Variants in ALG9 observed in about 807,000 individuals in gnomAD.
The protein encoded by ALG9 is alpha-1,2-mannosyltransferase ALG9.
A neutral mutation model predicts 81.8 loss-of-function variants in ALG9; 55 were observed. The observed-to-expected ratio is 0.67, with a 90% confidence interval of 0.54 to 0.84. The LOEUF (loss-of-function observed/expected upper bound fraction) is 0.84, where lower values mean the gene tolerates loss of function less well. Among genes scored for constraint, ALG9 ranks in the 40% least tolerant of loss-of-function variants. The pLI is 0.00. For missense variants in ALG9, 629 were observed against 745.0 expected (o/e 0.84, Z 1.81); for synonymous variants, 278 against 274.3 (o/e 1.01, Z -0.13).
intron 14 of ALG9, among the ~76,000 whole-genome samples, chr11:111,796,726 T>C (rs1219013459): frequency 6.6e-6 from 1 of 152,088 alleles, no homozygotes; most frequent in Non-Finnish European, 1.5e-5. Flanking sequence ...AGAATAAAAG[T>C]TGATAAATAC....
At chr11:111,791,057 T>C (rs1947328371) in intron 14 of ALG9, among the ~76,000 whole-genome samples, 1 of 152,248 alleles carries the variant, frequency 6.6e-6, no homozygotes, top group Non-Finnish European at 1.5e-5. Context: ...TATGAGTAGA[T>C]AAATTTATTA....
chr11:111,848,449 G>T (rs1279881899), intron 8 of ALG9, among the ~76,000 whole-genome samples: 1 of 152,002 alleles, frequency 6.6e-6, no homozygotes, highest in Non-Finnish European at 1.5e-5. Context: ...AATTAGCTGG[G>T]TGTGGTGGTG....
At chr11:111,832,035 A>G (rs181346911) in intron 13 of ALG9, among the ~76,000 whole-genome samples, 3 of 152,216 alleles carry the variant, frequency 2.0e-5, no homozygotes, top group African/African-American at 4.8e-5. Flanking sequence ...ATACACAAAT[A>G]TATCTACTGG....
At position 111,870,382 on chromosome 11, in the gene ALG9, C is replaced by CAAAAAAAAAAAAAAAAAAAAA. The variant is rs60312459; in HGVS notation, c.132-33_132-13dup. ...TGTTCCCAGATAACCTGTTCAAAAG[C>CAAAAAAAAAAAAAAAAAAAAA]AAAAAAAAAAAAAAAAAAAAAAGCA... is the stretch of plus-strand genomic sequence containing the variant. On this transcript the variant is annotated splice_polypyrimidine_tract_variant and intron_variant, in intron 1 of 14. Coordinates refer to ENST00000616540, the MANE Select transcript of ALG9 (RefSeq NM_024740.2). 2.1e-6 allele frequency: 2 copies of CAAAAAAAAAAAAAAAAAAAAA among 973,956 alleles called. No individual in the cohort carries two copies. Among genetic ancestry groups the CAAAAAAAAAAAAAAAAAAAAA allele is most frequent in the Non-Finnish European group, 2.5e-6 (2 of 803,388 alleles). The allele number at this position is 973,956 out of a possible 1,614,324, so 60.3% of individuals were successfully genotyped here.
At chr11:111,844,772 C>G in intron 8 of ALG9, 49 bp from the exon 9 acceptor site, 1 of 1,593,644 alleles carries the variant, frequency 6.3e-7, no homozygotes, top group Non-Finnish European at 8.6e-7. Flanking sequence ...CCTTTAACAC[C>G]TATTACGGTG....
chr11:111,780,394 G>GTTTTTTT (rs149395873), downstream of ALG9, among the ~76,000 whole-genome samples: 358 of 143,674 alleles, frequency 2.5e-3, 7 homozygotes, highest in Non-Finnish European at 1.4e-3. Flanking sequence ...TTTTTTTTTT[G>GTTTTTTT]TTTTGTTTTT....
At chr11:111,820,290 G>A (rs1380838753) in intron 13 of ALG9, among the ~76,000 whole-genome samples, 1 of 151,944 alleles carries the variant, frequency 6.6e-6, no homozygotes, top group African/African-American at 2.4e-5. Context: ...ATAAAGAAAA[G>A]AAATTTACTT....
At chr11:111,841,021 TAAC>T (rs1310627665) in intron 9 of ALG9, among the ~76,000 whole-genome samples, 1 of 152,114 alleles carries the variant, frequency 6.6e-6, no homozygotes, top group Non-Finnish European at 1.5e-5. Context: ...ATCTAAACTC[TAAC>T]AACAAGCACA....
intron 13 of ALG9, among the ~76,000 whole-genome samples, chr11:111,829,982 T>C (rs938019940): frequency 2.0e-5 from 3 of 152,226 alleles, no homozygotes; most frequent in South Asian, 2.1e-4. Flanking sequence ...GGTAATGGGA[T>C]AAGCTAAAAT....
intron 13 of ALG9, among the ~76,000 whole-genome samples, chr11:111,812,592 G>A (rs560321808): frequency 2.6e-5 from 4 of 151,890 alleles, no homozygotes; most frequent in Non-Finnish European, 4.4e-5. Flanking sequence ...CAACAACAAG[G>A]TGGGGGCTTA....
intron 2 of ALG9, among the ~76,000 whole-genome samples, chr11:111,869,593 A>T (rs1448606134): frequency 2.1e-5 from 3 of 144,800 alleles, no homozygotes; most frequent in Non-Finnish European, 3.1e-5. Flanking sequence ...ATTTTCATTT[A>T]AAAAAAAAAA....
At chr11:111,803,781 A>T (rs2136344357) in intron 14 of ALG9, among the ~76,000 whole-genome samples, 1 of 152,304 alleles carries the variant, frequency 6.6e-6, no homozygotes, top group South Asian at 2.1e-4. Context: ...ATTTAGACAC[A>T]GATCTTACAC....
intron 6 of ALG9, among the ~76,000 whole-genome samples, chr11:111,854,131 T>C (rs1958283203): frequency 7.0e-6 from 1 of 142,108 alleles, no homozygotes. Context: ...AGGGTCTCAC[T>C]CTATTGCCCA....
At chr11:111,812,810 A>G (rs1006616016) in intron 13 of ALG9, among the ~76,000 whole-genome samples, 6 of 150,190 alleles carry the variant, frequency 4.0e-5, no homozygotes, top group Non-Finnish European at 7.4e-5. Flanking sequence ...CCAGCTACTC[A>G]GGAGGCTGAG....
chr11:111,855,367 C>T (rs1001121812), intron 6 of ALG9, among the ~76,000 whole-genome samples: 2 of 152,198 alleles, frequency 1.3e-5, no homozygotes, highest in Admixed American at 1.3e-4. Context: ...GATACAACCA[C>T]ATCTGCATTT....
chr11:111,777,234 C>T (rs970691643), downstream of ALG9, among the ~76,000 whole-genome samples: 4 of 152,198 alleles, frequency 2.6e-5, no homozygotes, highest in South Asian at 2.1e-4. Context: ...TAAGAATCCT[C>T]GACCAGTAGG....
chr11:111,792,348 G>C lies in ALG9; in HGVS notation c.1734-5828C>G, dbSNP rs576663645. Among the ~76,000 whole-genome samples, 17 of 150,104 alleles carry C rather than the reference G, an allele frequency of 1.1e-4. No homozygotes were observed. The East Asian group carries it at 3.3e-3, about 29-fold the overall frequency. ...CTGAAAAACAAATGTTGGATGGATGGAAGGAAGGATGAATGGATGGACTGC... is the reference window on the plus strand; with the variant it reads ...CTGAAAAACAAATGTTGGATGGATGCAAGGAAGGATGAATGGATGGACTGC... On this transcript the variant is annotated intron_variant, in intron 14 of 14. Transcript: ENST00000616540.
chr11:111,776,313 G>A, the ALG9 span, among the ~76,000 whole-genome samples: 1 of 152,090 alleles, frequency 6.6e-6, no homozygotes. Flanking sequence ...ACCAAGGCTG[G>A]ACATAGTGGT....
chr11:111,871,110 G>A (rs1964166098), intron 1 of ALG9: 1 of 1,238,884 alleles, frequency 8.1e-7, no homozygotes, highest in Non-Finnish European at 1.0e-6. Context: ...GCCTGGCCCA[G>A]GAGCATCACA....
Sources: gnomAD v4.1 joint callset for allele counts (sites outside exome capture counted in the v4.1 genomes callset) on GRCh38, gnomAD v4.1.1 for gene constraint, MANE v1.5 for transcripts, NCBI Gene and HGNC (gene_info 2026-07-23, HGNC 2026-07-21) for gene names.